The following MGAT5 variants were observed in gnomAD, a reference collection of about 807,000 sequenced individuals.
The protein encoded by MGAT5 is alpha-1,6-mannosylglycoprotein 6-beta-N-acetylglucosaminyltransferase A.
MGAT5 carries 30 observed loss-of-function variants against 94.3 expected under a neutral mutation model. The ratio of observed to expected loss-of-function variants is 0.32; its 90% CI spans 0.24 to 0.43. MGAT5 has a LOEUF of 0.43. MGAT5 is among the 20% of genes least tolerant of loss of function. The pLI is 1.00. For missense variants in MGAT5, 691 were observed against 905.5 expected (o/e 0.76, Z 3.04); for synonymous variants, 310 against 322.9 (o/e 0.96, Z 0.43).
At chr2:134,246,708 C>T (rs1682287107) in intron 1 of MGAT5, among the ~76,000 whole-genome samples, 1 of 152,204 alleles carries the variant, frequency 6.6e-6, no homozygotes, top group Non-Finnish European at 1.5e-5. Flanking sequence ...TGAGTTTCCG[C>T]ATGCAGCTGG....
chr2:134,262,077 C>T lies in MGAT5; in HGVS notation c.241+7433C>T, dbSNP rs571319579. ...TGATGTGTGACCTTGAACAAGTCACCGATCATCTTAAAGCTTACTTCCTCT... is the reference window on the plus strand; with the variant it reads ...TGATGTGTGACCTTGAACAAGTCACTGATCATCTTAAAGCTTACTTCCTCT... On this transcript the variant is annotated intron_variant, in intron 1 of 15. Coordinates refer to ENST00000281923, the MANE Select transcript of MGAT5 (RefSeq NM_002410.5). Among the ~76,000 whole-genome samples the T allele has an allele frequency of 3.9e-5, 6 of 152,170 alleles. No homozygotes were observed. In the East Asian group the frequency reaches 1.2e-3, roughly 29 times the overall value.
intron 1 of MGAT5, among the ~76,000 whole-genome samples, chr2:134,217,237 TG>T (rs34484945): frequency 1.6e-5 from 1 of 61,666 alleles, no homozygotes; most frequent in Non-Finnish European, 3.0e-5. Context: ...GGAGAGAGAG[TG>T]GTGTGTGTGT....
intron 1 of MGAT5, among the ~76,000 whole-genome samples, chr2:134,172,390 T>TTA (rs1553487710): frequency 1.8e-4 from 28 of 151,404 alleles, no homozygotes; most frequent in Non-Finnish European, 2.4e-4. Context: ...TTTTTTTTTT[T>TTA]AATTAATTAT....
intron 2 of MGAT5, among the ~76,000 whole-genome samples, chr2:134,306,723 G>A (rs912871176): frequency 5.3e-5 from 8 of 151,962 alleles, no homozygotes; most frequent in Non-Finnish European, 1.2e-4. Context: ...AGGCTTTGCT[G>A]ACTCTGTTTT....
chr2:134,356,157 A>G (rs1172190447), intron 9 of MGAT5, among the ~76,000 whole-genome samples: 2 of 152,248 alleles, frequency 1.3e-5, no homozygotes, highest in Non-Finnish European at 2.9e-5. Context: ...CACATTCTGT[A>G]TAGTCAAGAC....
chr2:134,429,526 A>G (rs756435081), intron 14 of MGAT5, among the ~76,000 whole-genome samples: 3 of 152,216 alleles, frequency 2.0e-5, no homozygotes, highest in Admixed American at 6.5e-5. Flanking sequence ...TCTGTAAAAT[A>G]AGGATGATGC....
chr2:134,252,672 G>A (rs1475813714), upstream of MGAT5, among the ~76,000 whole-genome samples: 4 of 150,416 alleles, frequency 2.7e-5, no homozygotes, highest in East Asian at 7.7e-4. Flanking sequence ...TGAGAGGTTG[G>A]CAAACCTTCT....
chr2:134,331,438 T>C (rs916424833), intron 4 of MGAT5, among the ~76,000 whole-genome samples: 16 of 152,144 alleles, frequency 1.1e-4, no homozygotes, highest in African/African-American at 3.9e-4. Context: ...ACTGGAGGAA[T>C]GCTTCTCCTC....
At chr2:134,260,118 G>A (rs1034794553) in intron 1 of MGAT5, among the ~76,000 whole-genome samples, 2 of 152,188 alleles carry the variant, frequency 1.3e-5, no homozygotes, top group Admixed American at 6.5e-5. Context: ...TAGCTAGAAC[G>A]AAGCAAGCAA....
chr2:134,331,885 A>G (rs2105957526), intron 4 of MGAT5, among the ~76,000 whole-genome samples: 1 of 152,174 alleles, frequency 6.6e-6, no homozygotes, highest in East Asian at 1.9e-4. Flanking sequence ...TTCAAGGAGA[A>G]CTACAAACCA....
chr2:134,176,572 T>TAAAAA lies in MGAT5; in HGVS notation c.-143+56300_-143+56304dup, dbSNP rs66689362. 1.8e-3 allele frequency among the ~76,000 whole-genome samples: 147 copies of TAAAAA among 83,296 alleles called. 5 individuals carry two copies. The highest frequency in any genetic ancestry group is 5.7e-3 in the East Asian group (18 of 3,168). The allele number at this position is 83,296 out of a possible 152,430, so 54.6% of individuals were successfully genotyped here. Reference sequence around the variant, plus strand: ...TGGGTGACAGAGGGAGACTCTGTCTTAAAAAAAAAAAAAAAAAAAAAAATT... The same window carrying TAAAAA: ...TGGGTGACAGAGGGAGACTCTGTCTTAAAAAAAAAAAAAAAAAAAAAAAAAAAATT... On this transcript the variant is annotated intron_variant, in intron 1 of 16. Transcript: ENST00000409645.
At chr2:134,351,143 T>C (rs1225287966) in intron 9 of MGAT5, among the ~76,000 whole-genome samples, 1 of 152,222 alleles carries the variant, frequency 6.6e-6, no homozygotes, top group Non-Finnish European at 1.5e-5. Context: ...AAGTGTGTTG[T>C]ATGCTTCATA....
At chr2:134,270,988 A>G (rs188390028) in intron 2 of MGAT5, among the ~76,000 whole-genome samples, 14 of 152,202 alleles carry the variant, frequency 9.2e-5, no homozygotes, top group Non-Finnish European at 1.8e-4. Context: ...AATGCCTCCT[A>G]TGTATATATG....
At position 134,254,335 on chromosome 2, in the gene MGAT5, C is replaced by T; in HGVS notation, c.-69C>T. 6.3e-7 allele frequency: 1 copy of T among 1,576,926 alleles called. No homozygotes were observed. Among genetic ancestry groups the T allele is most frequent in the South Asian group, 1.2e-5 (1 of 84,316 alleles). ...AGACCAGCAGACTCTCACACTCAACCTACACCATGAATTTGTGTCTATCTT... is the reference window on the plus strand; with the variant it reads ...AGACCAGCAGACTCTCACACTCAACTTACACCATGAATTTGTGTCTATCTT... On this transcript the variant is annotated 5_prime_UTR_variant, in exon 1 of 16. Coordinates refer to ENST00000281923, the MANE Select transcript of MGAT5 (RefSeq NM_002410.5).
At chr2:134,193,124 TA>T (rs748726297) in intron 1 of MGAT5, among the ~76,000 whole-genome samples, 206 of 139,110 alleles carry the variant, frequency 1.5e-3, no homozygotes, top group Non-Finnish European at 2.3e-3. Context: ...TTTTATTTTT[TA>T]TTTTTTTTTT....
chr2:134,336,182 G>T, intron 4 of MGAT5, 35 bp from the exon 5 acceptor site: 1 of 1,547,470 alleles, frequency 6.5e-7, no homozygotes, highest in Non-Finnish European at 8.9e-7. Flanking sequence ...CATTATAGAT[G>T]AAGCTGCATA....
Position 134,345,529 on chromosome 2 carries a change from A to T in MGAT5, c.1112+465A>T, listed in dbSNP as rs1284383465. 2.6e-5 allele frequency among the ~76,000 whole-genome samples: 4 copies of T among 152,090 alleles called. No homozygotes were observed. In the East Asian group the frequency reaches 7.7e-4, roughly 29 times the overall value. ...CACTTTTTAAGATAAGCCCATTAAG[A>T]TTAGTATGTCTGTGGTACATGTGTA... On this transcript the variant is annotated intron_variant, in intron 8 of 15. Transcript: ENST00000281923.
rs1686275533 is a variant in MGAT5 at position 134,454,608 on chromosome 2, C to T, written c.*5761C>T. The T allele has an allele frequency of 6.6e-6, 1 of 152,082 alleles. No individual in the cohort carries two copies. The highest frequency in any genetic ancestry group is 2.1e-4 in the South Asian group (1 of 4,820). 9.4% of individuals were successfully genotyped at this position (152,082 alleles called of 1,614,324 possible). ...AGGGAGAACTTTATTTTTCAATAAA[C>T]TTTTCTTGTGTGACAGGTGGAAGTG... On this transcript the variant is annotated 3_prime_UTR_variant, in exon 16 of 16. Transcript: ENST00000281923.
intron 1 of MGAT5, among the ~76,000 whole-genome samples, chr2:134,151,308 G>C (rs947415461): frequency 1.4e-5 from 2 of 142,530 alleles, no homozygotes; most frequent in African/African-American, 5.3e-5. Context: ...TCACTGCCAT[G>C]GGACCTCACT....
Sources: allele counts gnomAD v4.1 joint callset (sites outside exome capture counted in the v4.1 genomes callset), GRCh38; gene constraint gnomAD v4.1.1; transcripts MANE v1.5; gene names NCBI Gene and HGNC (gene_info 2026-07-23, HGNC 2026-07-21).